FAAH2: variants seen among roughly 807,000 people sequenced by gnomAD.
FAAH2 encodes the protein fatty-acid amide hydrolase 2.
A neutral mutation model predicts 36.9 loss-of-function variants in FAAH2; 60 were observed. That is an observed-to-expected ratio of 1.63 (90% CI 1.32 to 2.02). The LOEUF is 2.02. FAAH2 is among the 30% of genes most tolerant of loss of function. The probability of loss-of-function intolerance (pLI) is 0.00; values close to 1 mark genes in which losing one functional copy is unlikely to be tolerated. For synonymous variants in FAAH2, 214 were observed against 143.8 expected (o/e 1.49, Z -3.49); for missense variants, 689 against 397.5 (o/e 1.73, Z -6.23).
At chrX:57,287,809 T>G (rs2051851897) in intron 1 of FAAH2, among the ~76,000 whole-genome samples, 1 of 111,690 alleles carries the variant, frequency 9.0e-6, no homozygotes, top group South Asian at 3.8e-4. Context: ...TCATTTGTTT[T>G]TCGTCATTGC....
At chrX:57,284,547 C>T (rs774831884), upstream of FAAH2, among the ~76,000 whole-genome samples, 11 of 111,600 alleles carry the variant, frequency 9.9e-5, 1 homozygote, top group South Asian at 3.0e-3. Flanking sequence ...TCCACTTATA[C>T]GAGTTAGCTA....
intron 3 of FAAH2, among the ~76,000 whole-genome samples, chrX:57,325,329 G>T (rs1482647464): frequency 9.0e-6 from 1 of 111,132 alleles, no homozygotes; most frequent in Non-Finnish European, 1.9e-5. Flanking sequence ...GCCAGGCTTT[G>T]GTATCAGGAT....
intron 7 of FAAH2, among the ~76,000 whole-genome samples, chrX:57,399,439 G>T (rs942083427): frequency 4.5e-5 from 5 of 112,021 alleles, no homozygotes; most frequent in Non-Finnish European, 9.4e-5. Flanking sequence ...CTGAGGGGAG[G>T]AAACTATGTC....
chrX:57,157,617 A>T, the FAAH2 span, among the ~76,000 whole-genome samples: 760 of 111,347 alleles, frequency 6.8e-3, 5 homozygotes, highest in Middle Eastern at 0.014. Flanking sequence ...ACAATGTGAG[A>T]CTGTCCTTTC....
chrX:57,296,071 A>C (rs1261111154), intron 2 of FAAH2, among the ~76,000 whole-genome samples: 1 of 112,271 alleles, frequency 8.9e-6, no homozygotes, highest in African/African-American at 3.2e-5. Context: ...CTGCAGACTT[A>C]AATGTCCCTG....
chrX:57,348,148 C>T (rs760378700), intron 5 of FAAH2, among the ~76,000 whole-genome samples: 28 of 110,352 alleles, frequency 2.5e-4, no homozygotes, highest in African/African-American at 9.2e-4. Context: ...TTGCCTTTGC[C>T]TCAGAGAATG....
chrX:57,201,386 C>G, the FAAH2 span, among the ~76,000 whole-genome samples: 2 of 109,982 alleles, frequency 1.8e-5, no homozygotes, highest in South Asian at 7.9e-4. Flanking sequence ...CTACTGCACT[C>G]CAGCCTGGGC....
chrX:57,193,676 G>A, the FAAH2 span, among the ~76,000 whole-genome samples: 5 of 111,587 alleles, frequency 4.5e-5, no homozygotes, highest in East Asian at 1.1e-3. Flanking sequence ...ACAACACTTA[G>A]GGAAAATAGA....
At chrX:57,130,877 C>A in the FAAH2 span, among the ~76,000 whole-genome samples, 1 of 112,051 alleles carries the variant, frequency 8.9e-6, no homozygotes, top group African/African-American at 3.2e-5. Flanking sequence ...CAATACATTG[C>A]AAATTATTCT....
chrX:57,171,195 T>C, the FAAH2 span, among the ~76,000 whole-genome samples: 2 of 111,909 alleles, frequency 1.8e-5, no homozygotes, highest in Admixed American at 1.9e-4. Flanking sequence ...ATCTTTGCAA[T>C]TGTGAATTGT....
intron 8 of FAAH2, among the ~76,000 whole-genome samples, chrX:57,444,962 T>C (rs2056642520): frequency 8.9e-6 from 1 of 112,126 alleles, no homozygotes; most frequent in African/African-American, 3.2e-5. Context: ...CACATATCTC[T>C]GTCACTCCTG....
chrX:57,169,415 T>A, the FAAH2 span, among the ~76,000 whole-genome samples: 2 of 90,580 alleles, frequency 2.2e-5, no homozygotes, highest in Non-Finnish European at 4.4e-5. Context: ...CCAAAATGAC[T>A]GCTCCGTTTA....
intron 5 of FAAH2, among the ~76,000 whole-genome samples, chrX:57,375,043 A>G (rs1353362078): frequency 1.8e-5 from 2 of 110,868 alleles, no homozygotes; most frequent in Non-Finnish European, 3.8e-5. Flanking sequence ...GTTTCTATTA[A>G]ATGATCCCTG....
At chrX:57,135,722 G>A in the FAAH2 span, 1 of 1,142,951 alleles carries the variant, frequency 8.7e-7, no homozygotes, top group Middle Eastern at 2.7e-4. Flanking sequence ...TAGTTATCAG[G>A]GATTCCATAA....
intron 5 of FAAH2, among the ~76,000 whole-genome samples, chrX:57,341,623 T>A (rs1178043408): frequency 9.0e-6 from 1 of 110,696 alleles, no homozygotes; most frequent in Non-Finnish European, 1.9e-5. Context: ...TTGTTTTTTT[T>A]TTTTTCAGAA....
the FAAH2 span, among the ~76,000 whole-genome samples, chrX:57,239,165 C>T: frequency 9.0e-6 from 1 of 111,376 alleles, no homozygotes; most frequent in Admixed American, 9.5e-5. Flanking sequence ...GGCAATGGTA[C>T]CAGGTCTTCT....
intron 3 of FAAH2, among the ~76,000 whole-genome samples, chrX:57,313,158 C>T (rs1186073267): frequency 8.0e-5 from 1 of 12,520 alleles, no homozygotes; most frequent in Non-Finnish European, 4.7e-3. Flanking sequence ...GCTTGAATAC[C>T]GTTTTTTTCA....
the FAAH2 span, among the ~76,000 whole-genome samples, chrX:57,179,613 A>G: frequency 4.1e-4 from 46 of 112,139 alleles, no homozygotes; most frequent in African/African-American, 1.4e-3. Context: ...ACCAAGATTC[A>G]TAAAGCAAGT....
At chrX:57,256,252 ACTC>A in the FAAH2 span, among the ~76,000 whole-genome samples, 1 of 110,938 alleles carries the variant, frequency 9.0e-6, no homozygotes, top group African/African-American at 3.3e-5. Context: ...ACTATAAACC[ACTC>A]CTCAGGAAAT....
Sources: gnomAD v4.1 joint callset for allele counts (sites outside exome capture counted in the v4.1 genomes callset) on GRCh38, gnomAD v4.1.1 for gene constraint, MANE v1.5 for transcripts, NCBI Gene and HGNC (gene_info 2026-07-23, HGNC 2026-07-21) for gene names.